The following CCDC30 variants were observed in gnomAD, a reference collection of about 807,000 sequenced individuals.
CCDC30 encodes the protein coiled-coil domain-containing protein 30.
Under a neutral mutation model 100.2 loss-of-function variants are expected in CCDC30, and 70 were observed. The observed-to-expected ratio is 0.70, with a 90% CI of 0.58 to 0.85. CCDC30 has a LOEUF of 0.85. Among genes scored for constraint, CCDC30 ranks in the 40% least tolerant of loss-of-function variants. The pLI, the probability that CCDC30 is intolerant of heterozygous loss-of-function variation, is 0.00. For missense variants in CCDC30, 652 were observed against 771.2 expected (o/e 0.85, Z 1.83); for synonymous variants, 233 against 269.5 (o/e 0.86, Z 1.33).
chr1:42,540,379 C>T (rs374398613), intron 6 of CCDC30, among the ~76,000 whole-genome samples: 2 of 152,038 alleles, frequency 1.3e-5, no homozygotes, highest in African/African-American at 2.4e-5. Flanking sequence ...GTTATCATCA[C>T]GTTGTACAGT....
chr1:42,536,636 G>T (rs762537889), intron 6 of CCDC30, 35 bp downstream of exon 7: 1 of 1,413,012 alleles, frequency 7.1e-7, no homozygotes, highest in African/African-American at 1.4e-5. Context: ...TCTTCTTCTT[G>T]TAGTTCTAAT....
intron 6 of CCDC30, among the ~76,000 whole-genome samples, chr1:42,515,219 A>AG (rs137896448): frequency 9.2e-5 from 14 of 151,776 alleles, no homozygotes; most frequent in African/African-American, 3.4e-4. Flanking sequence ...AAAAAAAAAA[A>AG]ACAAGAATAA....
At chr1:42,534,228 G>T (rs11210662) in intron 6 of CCDC30, among the ~76,000 whole-genome samples, 1 of 151,538 alleles carries the variant, frequency 6.6e-6, no homozygotes. Context: ...ATGAGGGGGG[G>T]GGTTCATATT....
exon 8 of CCDC30, chr1:42,577,129 A>T: frequency 6.2e-7 from 1 of 1,614,024 alleles, no homozygotes; most frequent in East Asian, 2.2e-5. Context: ...AAGGAACTGG[A>T]GTTGGAAGTA....
intron 4 of CCDC30, chr1:42,492,070 T>G: frequency 2.6e-6 from 1 of 380,100 alleles, no homozygotes. Context: ...TGTTCCGTGG[T>G]CAAAAAATGG....
intron 6 of CCDC30, among the ~76,000 whole-genome samples, chr1:42,504,281 G>A (rs1644364749): frequency 1.3e-5 from 2 of 152,186 alleles, no homozygotes; most frequent in Non-Finnish European, 2.9e-5. Context: ...TCCAGCGTGG[G>A]CATTATGGCC....
At chr1:42,490,051 A>T (rs550420714) in intron 3 of CCDC30, 107 bp from the exon 4 acceptor site, 4 of 392,496 alleles carry the variant, frequency 1.0e-5, no homozygotes, top group Admixed American at 9.5e-5. Flanking sequence ...AACTCCTAGG[A>T]CAGTAGCCAG....
At chr1:42,589,368 C>T in exon 10 of CCDC30, 1 of 1,613,524 alleles carries the variant, frequency 6.2e-7, no homozygotes, top group Non-Finnish European at 8.5e-7. Flanking sequence ...CAAGTGAGAA[C>T]CTTACAAGAT....
intron 8 of CCDC30, among the ~76,000 whole-genome samples, chr1:42,577,768 G>A (rs1348396249): frequency 6.6e-6 from 1 of 152,018 alleles, no homozygotes; most frequent in Non-Finnish European, 1.5e-5. Context: ...AGCCTCCCAA[G>A]TAGCTGGGAC....
chr1:42,559,046 C>T (rs530061190), intron 6 of CCDC30, among the ~76,000 whole-genome samples: 23 of 152,158 alleles, frequency 1.5e-4, no homozygotes, highest in South Asian at 6.2e-4. Flanking sequence ...CAAAACTAAG[C>T]GTCATAAGTG....
intron 6 of CCDC30, among the ~76,000 whole-genome samples, chr1:42,546,233 A>T (rs1204127207): frequency 2.0e-5 from 3 of 150,044 alleles, no homozygotes; most frequent in African/African-American, 7.3e-5. Context: ...TAAAAATACA[A>T]AATTAGCTGG....
intron 6 of CCDC30, among the ~76,000 whole-genome samples, chr1:42,559,339 A>G (rs1386311236): frequency 6.6e-6 from 1 of 152,218 alleles, no homozygotes; most frequent in Non-Finnish European, 1.5e-5. Flanking sequence ...ATTAAAAGAC[A>G]CAGACTGGCA....
At chr1:42,534,633 T>C (rs1002579858) in intron 6 of CCDC30, among the ~76,000 whole-genome samples, 2 of 152,218 alleles carry the variant, frequency 1.3e-5, no homozygotes, top group African/African-American at 4.8e-5. Flanking sequence ...AATTAGTAGT[T>C]TGATTAATTC....
At chr1:42,639,230 G>A (rs1570325596) in intron 12 of CCDC30, among the ~76,000 whole-genome samples, 1 of 145,382 alleles carries the variant, frequency 6.9e-6, no homozygotes, top group Middle Eastern at 3.3e-3. Context: ...TATAGGAAGA[G>A]GGGAAAACAC....
intron 10 of CCDC30, among the ~76,000 whole-genome samples, chr1:42,608,192 G>C (rs756576278): frequency 6.6e-6 from 1 of 152,172 alleles, no homozygotes; most frequent in Admixed American, 6.5e-5. Flanking sequence ...TCTATATCAG[G>C]GGTCATAAGG....
At chr1:42,610,763 A>G (rs1300893984) in intron 10 of CCDC30, among the ~76,000 whole-genome samples, 1 of 152,050 alleles carries the variant, frequency 6.6e-6, no homozygotes, top group Non-Finnish European at 1.5e-5. Context: ...ATGCTTACAA[A>G]ATTATTGGGA....
chr1:42,469,204 C>A (rs1052755789), intron 1 of CCDC30, among the ~76,000 whole-genome samples: 14 of 151,940 alleles, frequency 9.2e-5, no homozygotes, highest in African/African-American at 3.1e-4. Flanking sequence ...CATATAAGAC[C>A]CTCGTCTCTA....
At chr1:42,531,631 G>T (rs1047558028) in intron 6 of CCDC30, among the ~76,000 whole-genome samples, 1 of 152,058 alleles carries the variant, frequency 6.6e-6, no homozygotes, top group African/African-American at 2.4e-5. Context: ...GCGTGGCGGC[G>T]CATGCCTGTA....
upstream of CCDC30, chr1:42,460,176 C>A: frequency 1.7e-6 from 2 of 1,189,608 alleles, no homozygotes; most frequent in Non-Finnish European, 2.1e-6. Flanking sequence ...TTATATATTC[C>A]TTAAAATATA....
Sources: gnomAD v4.1 joint callset for allele counts (sites outside exome capture counted in the v4.1 genomes callset) on GRCh38, gnomAD v4.1.1 for gene constraint, MANE v1.5 for transcripts, NCBI Gene and HGNC (gene_info 2026-07-23, HGNC 2026-07-21) for gene names.